RNF38: variants seen among roughly 807,000 people sequenced by gnomAD.
The protein encoded by RNF38 is ring finger protein 38.
In RNF38, 15 loss-of-function variants were observed where a neutral mutation model predicts 67.2. That is an observed-to-expected ratio of 0.22 (90% CI 0.15 to 0.34). The LOEUF (loss-of-function observed/expected upper bound fraction) is 0.34. RNF38 is among the 10% of genes least tolerant of loss of function. The pLI is 1.00. For missense variants in RNF38, 524 were observed against 639.9 expected (o/e 0.82, Z 1.95); for synonymous variants, 220 against 218.8 (o/e 1.01, Z -0.05).
intron 1 of RNF38, among the ~76,000 whole-genome samples, chr9:36,429,749 A>G (rs1024377059): frequency 9.2e-5 from 14 of 152,212 alleles, no homozygotes; most frequent in African/African-American, 3.4e-4. Flanking sequence ...AGCTGAGATC[A>G]CGCCACTGCA....
At chr9:36,476,127 T>C (rs1840115825) in intron 1 of RNF38, among the ~76,000 whole-genome samples, 1 of 151,722 alleles carries the variant, frequency 6.6e-6, no homozygotes, top group Non-Finnish European at 1.5e-5. Flanking sequence ...CTAAAACAGG[T>C]TTTTGTTTTG....
intron 3 of RNF38, among the ~76,000 whole-genome samples, chr9:36,374,537 C>T (rs1032076586): frequency 4.6e-5 from 7 of 152,094 alleles, no homozygotes; most frequent in South Asian, 2.1e-4. Context: ...TGCAGTGGTG[C>T]GGTCTTGGCT....
intron 4 of RNF38, among the ~76,000 whole-genome samples, chr9:36,362,456 G>A (rs1834625258): frequency 1.0e-5 from 1 of 97,852 alleles, no homozygotes; most frequent in Non-Finnish European, 2.1e-5. Flanking sequence ...CATAAAGCAC[G>A]AACATCAAGA....
intron 2 of RNF38, among the ~76,000 whole-genome samples, chr9:36,409,544 G>T (rs1448957734): frequency 6.6e-6 from 1 of 152,174 alleles, no homozygotes; most frequent in African/African-American, 2.4e-5. Context: ...TGTTCAATGA[G>T]GAACACACTT....
chr9:36,346,380 A>G (rs1344190020), intron 9 of RNF38, among the ~76,000 whole-genome samples: 4 of 152,074 alleles, frequency 2.6e-5, no homozygotes, highest in Non-Finnish European at 4.4e-5. Context: ...TAGTAGAGAC[A>G]GGGTTTTGCC....
intron 11 of RNF38, among the ~76,000 whole-genome samples, chr9:36,340,171 G>A (rs1404575125): frequency 6.6e-6 from 1 of 152,106 alleles, no homozygotes; most frequent in African/African-American, 2.4e-5. Flanking sequence ...TAGAGACGGG[G>A]TTTCACCATG....
chr9:36,353,412 T>C (rs1833850838), intron 6 of RNF38, 81 bp from the exon 7 acceptor site: 1 of 1,047,552 alleles, frequency 9.5e-7, no homozygotes, highest in Non-Finnish European at 1.3e-6. Flanking sequence ...TTTATAATAA[T>C]CACAAATTTA....
At chr9:36,356,643 A>T (rs1174546873) in intron 5 of RNF38, among the ~76,000 whole-genome samples, 170 bp from the exon 6 acceptor site, 1 of 152,036 alleles carries the variant, frequency 6.6e-6, no homozygotes, top group Non-Finnish European at 1.5e-5. Context: ...ATCTACTAGT[A>T]AAGTAATGGT....
At chr9:36,400,344 G>A (rs568203438), upstream of RNF38, 5 of 1,240,950 alleles carry the variant, frequency 4.0e-6, no homozygotes, top group South Asian at 1.4e-4. Flanking sequence ...CGGCAAAAAG[G>A]GAGGGAGCGA....
chr9:36,424,935 C>G (rs1313667112), intron 1 of RNF38, among the ~76,000 whole-genome samples: 1 of 152,198 alleles, frequency 6.6e-6, no homozygotes, highest in East Asian at 1.9e-4. Context: ...CTAATTCCCC[C>G]TCTTTCTACT....
At chr9:36,353,072 A>G (rs1197667756) in intron 7 of RNF38, 98 bp downstream of exon 7, 8 of 1,095,014 alleles carry the variant, frequency 7.3e-6, no homozygotes, top group Non-Finnish European at 1.1e-5. Context: ...TGTCGAGAAT[A>G]CATATAATTC....
intron 2 of RNF38, among the ~76,000 whole-genome samples, chr9:36,423,105 T>C (rs1312639981): frequency 6.6e-6 from 1 of 152,210 alleles, no homozygotes; most frequent in Non-Finnish European, 1.5e-5. Context: ...CCCTCTATCA[T>C]CACTCTTAAT....
intron 2 of RNF38, among the ~76,000 whole-genome samples, chr9:36,385,408 C>T (rs1196901635): frequency 7.8e-5 from 11 of 140,720 alleles, no homozygotes; most frequent in Non-Finnish European, 1.7e-4. Context: ...GAGACAGTTT[C>T]GCTCTTGTCA....
At chr9:36,351,565 C>CTTCA (rs1833687165) in intron 8 of RNF38, among the ~76,000 whole-genome samples, 1 of 152,022 alleles carries the variant, frequency 6.6e-6, no homozygotes, top group African/African-American at 2.4e-5. Context: ...AGACCTTAAA[C>CTTCA]TGAAACATTT....
chr9:36,466,008 G>A (rs199763408), intron 1 of RNF38, among the ~76,000 whole-genome samples: 1 of 152,080 alleles, frequency 6.6e-6, no homozygotes, highest in Non-Finnish European at 1.5e-5. Context: ...GCCGAGATCG[G>A]GCCACTGCAC....
chr9:36,465,983 C>T (rs1272495642), intron 1 of RNF38, among the ~76,000 whole-genome samples: 2 of 152,054 alleles, frequency 1.3e-5, no homozygotes, highest in African/African-American at 2.4e-5. Flanking sequence ...ACCCAGGAGG[C>T]GGAGCTTGCA....
intron 9 of RNF38, among the ~76,000 whole-genome samples, chr9:36,349,155 T>C (rs916657960): frequency 2.0e-5 from 3 of 152,228 alleles, no homozygotes; most frequent in Non-Finnish European, 4.4e-5. Flanking sequence ...GAGAAAAAGA[T>C]TCCTTTCAAA....
chr9:36,416,742 A>ATTTTTTTTTTTTT (rs386414907), intron 2 of RNF38, among the ~76,000 whole-genome samples: 2 of 63,500 alleles, frequency 3.1e-5, no homozygotes, highest in Non-Finnish European at 2.8e-5. Context: ...CTGCCTCGAT[A>ATTTTTTTTTTTTT]TTTTTTTTTT....
chr9:36,450,263 C>CT (rs200252520), intron 1 of RNF38, among the ~76,000 whole-genome samples: 7,714 of 151,448 alleles, frequency 0.051, 586 homozygotes, highest in African/African-American at 0.17. Flanking sequence ...TCCCACTTGA[C>CT]TTTTTTTTTA....
Sources: allele counts gnomAD v4.1 joint callset (sites outside exome capture counted in the v4.1 genomes callset), GRCh38; gene constraint gnomAD v4.1.1; transcripts MANE v1.5; gene names NCBI Gene and HGNC (gene_info 2026-07-23, HGNC 2026-07-21).